Variants in PARD3 observed in about 807,000 individuals in gnomAD.
PARD3 encodes partitioning defective 3 homolog.
Under a neutral mutation model 155.4 loss-of-function variants are expected in PARD3, and 75 were observed. The observed-to-expected ratio is 0.48, with a 90% CI of 0.40 to 0.58. The LOEUF is 0.58. Among genes scored for constraint, PARD3 ranks in the 20% least tolerant of loss-of-function variants. The probability of loss-of-function intolerance (pLI) is 0.00; values close to 1 mark genes in which losing one functional copy is unlikely to be tolerated. For missense variants in PARD3, 1,642 were observed against 1,721.7 expected (o/e 0.95, Z 0.82); for synonymous variants, 576 against 610.5 (o/e 0.94, Z 0.83).
At chr10:34,456,152 T>C (rs2077328546) in intron 4 of PARD3, among the ~76,000 whole-genome samples, 1 of 152,106 alleles carries the variant, frequency 6.6e-6, no homozygotes. Flanking sequence ...TCGGGATCAT[T>C]AGTGATAATT....
intron 22 of PARD3, among the ~76,000 whole-genome samples, chr10:34,190,172 A>G (rs1950645797): frequency 6.6e-6 from 1 of 152,220 alleles, no homozygotes; most frequent in Non-Finnish European, 1.5e-5. Flanking sequence ...AATAACTAGT[A>G]AGAAACTACC....
Position 34,638,680 on chromosome 10 carries a change from A to T in PARD3, c.222+57638T>A, listed in dbSNP as rs2092567666. Reference sequence around the variant, plus strand: ...TGAATCACACCCAAACAAGAAAAGTACTGCTTTCCATTTCTGGGTATTTTG... The same window carrying T: ...TGAATCACACCCAAACAAGAAAAGTTCTGCTTTCCATTTCTGGGTATTTTG... On this transcript the variant is annotated intron_variant, in intron 2 of 24. Coordinates refer to ENST00000374788, the MANE Select transcript of PARD3 (RefSeq NM_001184785.2). 2.0e-5 allele frequency among the ~76,000 whole-genome samples: 3 copies of T among 152,206 alleles called. No homozygotes were observed. The South Asian group carries it at 6.2e-4, about 31-fold the overall frequency.
chr10:34,641,986 C>T (rs901754078), intron 2 of PARD3, among the ~76,000 whole-genome samples: 1 of 152,118 alleles, frequency 6.6e-6, no homozygotes, highest in Non-Finnish European at 1.5e-5. Context: ...TGGTAATGAA[C>T]ACCTAAGGTC....
chr10:34,754,490 A>T (rs1836463675), intron 1 of PARD3, among the ~76,000 whole-genome samples: 1 of 152,214 alleles, frequency 6.6e-6, no homozygotes, highest in Admixed American at 6.5e-5. Context: ...CATATTTTAC[A>T]TTTACCTATC....
chr10:34,151,172 ATTTT>A (rs33965854), intron 22 of PARD3, among the ~76,000 whole-genome samples: 2 of 147,474 alleles, frequency 1.4e-5, no homozygotes, highest in Non-Finnish European at 3.0e-5. Flanking sequence ...TGTAAGCTTC[ATTTT>A]TTTTTTTTTT....
chr10:34,784,880 GTGA>G (rs990370932), intron 1 of PARD3, among the ~76,000 whole-genome samples: 1 of 152,154 alleles, frequency 6.6e-6, no homozygotes, highest in African/African-American at 2.4e-5. Context: ...CCTCCCTGCT[GTGA>G]TGTACAACAG....
At chr10:34,652,974 T>C (rs1330733698) in intron 2 of PARD3, among the ~76,000 whole-genome samples, 1 of 152,066 alleles carries the variant, frequency 6.6e-6, no homozygotes, top group Non-Finnish European at 1.5e-5. Context: ...CTCATTTTAA[T>C]GACAAACCTT....
intron 2 of PARD3, among the ~76,000 whole-genome samples, chr10:34,677,782 C>G (rs771100822): frequency 3.8e-4 from 57 of 152,000 alleles, no homozygotes; most frequent in Non-Finnish European, 2.9e-5. Flanking sequence ...CGAAAATCAC[C>G]GTTCTAATGA....
chr10:34,528,445 C>T (rs2133772194), intron 2 of PARD3, among the ~76,000 whole-genome samples: 1 of 152,314 alleles, frequency 6.6e-6, no homozygotes, highest in East Asian at 1.9e-4. Context: ...TGAATGAGCT[C>T]TCAAGATGAG....
At chr10:34,604,315 C>G (rs933961836) in intron 2 of PARD3, among the ~76,000 whole-genome samples, 2 of 152,006 alleles carry the variant, frequency 1.3e-5, no homozygotes, top group Non-Finnish European at 2.9e-5. Context: ...GAAGGCAGAT[C>G]CACTCTTAAT....
intron 22 of PARD3, among the ~76,000 whole-genome samples, chr10:34,223,532 G>C (rs1264337370): frequency 6.6e-6 from 1 of 152,120 alleles, no homozygotes; most frequent in Non-Finnish European, 1.5e-5. Flanking sequence ...TTTACGTGGG[G>C]GAAGGCGAAC....
At chr10:34,577,432 A>G (rs1284741334) in intron 2 of PARD3, among the ~76,000 whole-genome samples, 1 of 152,230 alleles carries the variant, frequency 6.6e-6, no homozygotes, top group African/African-American at 2.4e-5. Flanking sequence ...TCTGCCCAAG[A>G]GACCTTGCAC....
chr10:34,337,485 T>C, intron 16 of PARD3, 59 bp from the exon 17 acceptor site: 1 of 1,190,642 alleles, frequency 8.4e-7, no homozygotes, highest in Non-Finnish European at 1.1e-6. Context: ...GCATCCATTT[T>C]AGGGAGGTTC....
At chr10:34,782,945 G>A (rs1011054961) in intron 1 of PARD3, among the ~76,000 whole-genome samples, 8 of 151,928 alleles carry the variant, frequency 5.3e-5, no homozygotes, top group Non-Finnish European at 8.8e-5. Context: ...GGCTGGTCTC[G>A]AACTCCTGAC....
At chr10:34,480,869 T>C (rs1447511578) in intron 3 of PARD3, among the ~76,000 whole-genome samples, 1 of 148,860 alleles carries the variant, frequency 6.7e-6, no homozygotes, top group Non-Finnish European at 1.5e-5. Flanking sequence ...TGGCGCGATA[T>C]CGGCTCACTG....
chr10:34,525,910 G>A lies in PARD3; in HGVS notation c.223-8751C>T, dbSNP rs551644001. On this transcript the variant is annotated intron_variant, in intron 2 of 24. Transcript: ENST00000374788. ...ATCCTGGCCAACATGGTGAAACCTC[G>A]TCTCTACTAAAAATACAAAAATTAG... 1.8e-4 allele frequency among the ~76,000 whole-genome samples: 27 copies of A among 151,266 alleles called. No homozygotes were observed. The South Asian group carries it at 5.0e-3, about 28-fold the overall frequency.
At chr10:34,261,770 A>T (rs1377435424) in intron 22 of PARD3, among the ~76,000 whole-genome samples, 4 of 95,886 alleles carry the variant, frequency 4.2e-5, no homozygotes, top group African/African-American at 1.3e-4. Flanking sequence ...GGAAGGAAGG[A>T]AGAAAGAAAG....
At chr10:34,362,643 A>G (rs1839559607) in intron 12 of PARD3, among the ~76,000 whole-genome samples, 1 of 152,088 alleles carries the variant, frequency 6.6e-6, no homozygotes, top group African/African-American at 2.4e-5. Context: ...CTACAGGAAC[A>G]TGTCAACAAA....
In PARD3 at chr10:34,360,177, C is replaced by T; in HGVS notation, c.1790G>A (p.Gly597Glu). 3.1e-6 allele frequency: 5 copies of T among 1,613,922 alleles called. No individual in the cohort carries two copies. Among genetic ancestry groups the T allele is most frequent in the South Asian group, 1.1e-5 (1 of 91,080 alleles). ...GACACTGACACCAAGGCCTGCAGAT[C>T]CTGAATCATTAAGTGGGACTTCAAA... The part of the protein sequence containing the change: ...LTFEVPLNDS[G>E]SAGLGVSVKG... The change falls in exon 13 of 25, where the codon GGA (glycine) becomes GAA (glutamate). Residue 597 changes from glycine (G) to glutamate (E), a missense_variant. Physicochemically the swap from Gly to Glu is moderately conservative, Grantham distance 98. Around this residue, in one of 3 missense-constraint regions of PARD3, gnomAD observed 1,529 missense variants for 1,587.3 expected, o/e 0.96. Coordinates refer to ENST00000374788, the MANE Select transcript of PARD3 (RefSeq NM_001184785.2).
Sources: gnomAD v4.1 joint callset for allele counts (sites outside exome capture counted in the v4.1 genomes callset) on GRCh38, gnomAD v4.1.1 for gene constraint, gnomAD v4.1.1 regional missense constraint, MANE v1.5 for transcripts, NCBI Gene and HGNC (gene_info 2026-07-23, HGNC 2026-07-21) for gene names.